FBXO42: variants seen among roughly 807,000 people sequenced by gnomAD.
FBXO42 encodes the protein F-box only protein 42.
Under a neutral mutation model 71.7 loss-of-function variants are expected in FBXO42, and 12 were observed. The ratio of observed to expected loss-of-function variants is 0.17; its 90% CI spans 0.11 to 0.27. The LOEUF is 0.27. Among genes scored for constraint, FBXO42 ranks in the 10% least tolerant of loss-of-function variants. The pLI is 1.00. For synonymous variants in FBXO42, 325 were observed against 327.5 expected (o/e 0.99, Z 0.08); for missense variants, 707 against 911.9 (o/e 0.78, Z 2.89).
chr1:16,326,346 G>A (rs867790647), intron 1 of FBXO42, among the ~76,000 whole-genome samples: 5 of 150,430 alleles, frequency 3.3e-5, no homozygotes, highest in East Asian at 2.0e-4. Context: ...ATGAGCCACC[G>A]TGCCCAGCCT....
intron 1 of FBXO42, among the ~76,000 whole-genome samples, chr1:16,329,035 T>C (rs1184013204): frequency 1.3e-5 from 2 of 150,848 alleles, no homozygotes; most frequent in Non-Finnish European, 3.0e-5. Context: ...TGGTGGCGGG[T>C]GCCTGTAATC....
intron 3 of FBXO42, among the ~76,000 whole-genome samples, chr1:16,304,203 G>A (rs1467537230): frequency 6.7e-6 from 1 of 148,902 alleles, no homozygotes; most frequent in Non-Finnish European, 1.5e-5. Context: ...TGCAACCTCC[G>A]CCTCCCAGGT....
intron 4 of FBXO42, among the ~76,000 whole-genome samples, chr1:16,270,558 G>T (rs946776488): frequency 6.6e-6 from 1 of 150,990 alleles, no homozygotes; most frequent in African/African-American, 2.4e-5. Context: ...TAAAGGCCAG[G>T]CCAGGTGCAG....
chr1:16,325,895 G>C (rs2082444725), intron 1 of FBXO42, among the ~76,000 whole-genome samples: 1 of 152,006 alleles, frequency 6.6e-6, no homozygotes, highest in South Asian at 2.1e-4. Context: ...TAGAGTGCTG[G>C]GATTACAGGC....
At chr1:16,303,702 G>A (rs1386888357) in intron 3 of FBXO42, among the ~76,000 whole-genome samples, 1 of 151,666 alleles carries the variant, frequency 6.6e-6, no homozygotes, top group Non-Finnish European at 1.5e-5. Context: ...TGAGTAGCTG[G>A]GATTACAGGT....
intron 4 of FBXO42, among the ~76,000 whole-genome samples, chr1:16,282,165 A>T (rs1342976186): frequency 3.3e-5 from 5 of 152,078 alleles, no homozygotes; most frequent in African/African-American, 1.2e-4. Flanking sequence ...AGAAGATATC[A>T]TAGGGCTCCA....
chr1:16,275,038 T>A (rs1028387658), intron 4 of FBXO42, among the ~76,000 whole-genome samples: 1 of 152,320 alleles, frequency 6.6e-6, no homozygotes, highest in Non-Finnish European at 1.5e-5. Context: ...CAGCAATCCA[T>A]TATTAGAATT....
chr1:16,269,556 G>A (rs767122291), intron 4 of FBXO42, among the ~76,000 whole-genome samples: 12 of 151,812 alleles, frequency 7.9e-5, no homozygotes, highest in Non-Finnish European at 1.3e-4. Context: ...ACAGAGTTTC[G>A]CTCTTGTTGC....
chr1:16,319,144 G>C (rs1048450149), intron 1 of FBXO42, among the ~76,000 whole-genome samples: 1 of 152,166 alleles, frequency 6.6e-6, no homozygotes, highest in Non-Finnish European at 1.5e-5. Context: ...GGGAAAAGCT[G>C]GATTTGGCGG....
chr1:16,318,275 G>C (rs1207996775), intron 1 of FBXO42, among the ~76,000 whole-genome samples: 1 of 152,042 alleles, frequency 6.6e-6, no homozygotes, highest in Non-Finnish European at 1.5e-5. Flanking sequence ...AAAATTAGTT[G>C]GGTGTGGTGG....
intron 1 of FBXO42, among the ~76,000 whole-genome samples, chr1:16,318,109 C>G (rs1380208192): frequency 6.6e-6 from 1 of 152,042 alleles, no homozygotes; most frequent in Admixed American, 6.6e-5. Flanking sequence ...TGAATACTCA[C>G]GCACTTCTCT....
chr1:16,352,404 G>T lies in FBXO42; in HGVS notation c.-167C>A, dbSNP rs1370735457. 5.0e-6 allele frequency: 2 copies of T among 399,086 alleles called. No individual in the cohort carries two copies. Among genetic ancestry groups the T allele is most frequent in the Non-Finnish European group, 8.8e-6 (2 of 226,854 alleles). 24.7% of individuals were successfully genotyped at this position (399,086 alleles called of 1,614,324 possible). On this transcript the variant is annotated 5_prime_UTR_variant, in exon 1 of 10. Transcript: ENST00000375592. ...CAGCTGGCGGGACCCCGAGCCGCCC[G>T]GAGCCGCCATCTTCCTCCACTCAAA...
chr1:16,309,215 G>A (rs768892100), intron 2 of FBXO42, among the ~76,000 whole-genome samples: 4 of 151,174 alleles, frequency 2.6e-5, no homozygotes, highest in Non-Finnish European at 4.4e-5. Flanking sequence ...TTACAGGCAC[G>A]CGCCACCATA....
Position 16,251,105 on chromosome 1 carries a change from G to C in FBXO42, c.1719C>G (p.Ala573=), listed in dbSNP as rs1569799872. ...CAAGAGGAGGACTTAGTGCTGCAGA[G>C]GCCGAGGGGCCTTTGGAGGACATCG... ...IKAMSSKGPS[A]SAALSPPLGS... The change falls in exon 10 of 10, where the codon GCC becomes GCG. Residue 573 remains alanine, a synonymous_variant. Transcript: ENST00000375592. The surrounding 1 kb of genome is among the most constrained non-coding windows in gnomAD (Gnocchi z 4.5). The C allele has an allele frequency of 6.2e-7, 1 of 1,614,194 alleles. No homozygotes were observed. The highest frequency in any genetic ancestry group is 8.5e-7 in the Non-Finnish European group (1 of 1,180,050).
At chr1:16,317,183 T>C (rs1476952870) in intron 1 of FBXO42, among the ~76,000 whole-genome samples, 2 of 152,052 alleles carry the variant, frequency 1.3e-5, no homozygotes, top group African/African-American at 4.8e-5. Context: ...TTTGGGAGGC[T>C]AAGGTAGGCA....
At chr1:16,254,139 C>T (rs573444402) in intron 6 of FBXO42, among the ~76,000 whole-genome samples, 2 of 152,258 alleles carry the variant, frequency 1.3e-5, no homozygotes, top group Admixed American at 6.5e-5. Context: ...CATCCTGAGA[C>T]CCTCCCTCTG....
At chr1:16,336,198 G>A (rs2082551751) in intron 1 of FBXO42, among the ~76,000 whole-genome samples, 2 of 151,322 alleles carry the variant, frequency 1.3e-5, no homozygotes, top group South Asian at 4.2e-4. Flanking sequence ...TCAGCCTCCC[G>A]AAGTGTTGGG....
At chr1:16,261,392 CT>C (rs561255574) in intron 4 of FBXO42, among the ~76,000 whole-genome samples, 131 of 152,310 alleles carry the variant, frequency 8.6e-4, no homozygotes, top group African/African-American at 3.0e-3. Context: ...ATATCTTGAC[CT>C]TTTAGAAAGG....
At chr1:16,323,896 T>C (rs189731823) in intron 1 of FBXO42, among the ~76,000 whole-genome samples, 90 of 146,932 alleles carry the variant, frequency 6.1e-4, no homozygotes, top group African/African-American at 2.2e-3. Context: ...CCCACAGTCA[T>C]CCCACAGCAT....
Sources: allele counts gnomAD v4.1 joint callset (sites outside exome capture counted in the v4.1 genomes callset), GRCh38; gene constraint gnomAD v4.1.1; non-coding constraint Gnocchi (gnomAD v3.1); transcripts MANE v1.5; gene names NCBI Gene and HGNC (gene_info 2026-07-23, HGNC 2026-07-21).